Variants in ZNF883 observed in about 807,000 individuals in gnomAD.
ZNF883 encodes the protein zinc finger protein 883.
chr9:113,011,571 C>T (rs78501799), intron 1 of ZNF883, among the ~76,000 whole-genome samples: 3 of 152,252 alleles, frequency 2.0e-5, no homozygotes, highest in Admixed American at 6.5e-5. Flanking sequence ...CTTCGTCGCC[C>T]GCAGAGTGTA....
downstream of ZNF883, among the ~76,000 whole-genome samples, chr9:112,996,701 GAATGGCGTGA>G (rs1828357828): frequency 6.9e-6 from 1 of 144,306 alleles, no homozygotes; most frequent in Non-Finnish European, 1.5e-5. Context: ...TGAGGCAGGA[GAATGGCGTGA>G]ACCTGGGAGG....
chr9:112,996,507 T>TCAA (rs1828355301), downstream of ZNF883, among the ~76,000 whole-genome samples: 1 of 152,116 alleles, frequency 6.6e-6, no homozygotes, highest in Non-Finnish European at 1.5e-5. Context: ...AAGGTTTTTT[T>TCAA]ATGGCCGGGC....
downstream of ZNF883, among the ~76,000 whole-genome samples, chr9:112,993,003 G>A (rs1227040671): frequency 6.6e-6 from 1 of 152,076 alleles, no homozygotes; most frequent in East Asian, 1.9e-4. Context: ...CTTTCCATTG[G>A]ATTAGAACAT....
intron 1 of ZNF883, among the ~76,000 whole-genome samples, chr9:112,990,754 T>G (rs2104389): frequency 0.36 from 55,089 of 151,762 alleles, 12,388 homozygotes; most frequent in African/African-American, 0.63. Context: ...GGGCTTTTTT[T>G]TTGTTGTTGT....
downstream of ZNF883, among the ~76,000 whole-genome samples, chr9:112,996,421 T>C (rs906956801): frequency 3.3e-5 from 5 of 152,144 alleles, no homozygotes; most frequent in Non-Finnish European, 5.9e-5. Context: ...AAATATAACA[T>C]AGGACTTAAT....
chr9:113,007,962 G>A (rs1828495068), intron 2 of ZNF883, among the ~76,000 whole-genome samples: 1 of 152,118 alleles, frequency 6.6e-6, no homozygotes, highest in African/African-American at 2.4e-5. Context: ...CAAATTATTA[G>A]TCAAATTCAT....
chr9:113,003,433 C>T (rs1011151926), intron 2 of ZNF883, among the ~76,000 whole-genome samples: 15 of 152,166 alleles, frequency 9.9e-5, no homozygotes, highest in South Asian at 4.1e-4. Flanking sequence ...TGAGAATGGA[C>T]TAATACACCT....
chr9:112,994,741 CCTA>C (rs1292364454), downstream of ZNF883, among the ~76,000 whole-genome samples: 3 of 151,488 alleles, frequency 2.0e-5, no homozygotes, highest in African/African-American at 4.9e-5. Context: ...TTCTATTTCT[CCTA>C]CTTTTTTTTA....
downstream of ZNF883, among the ~76,000 whole-genome samples, chr9:112,996,824 A>AAAAAAAT (rs1828362004): frequency 3.7e-5 from 3 of 80,564 alleles, no homozygotes; most frequent in South Asian, 3.4e-4. Flanking sequence ...AAAAAAAAAA[A>AAAAAAAT]GTTTTTTTAT....
chr9:112,995,469 CT>C (rs1828341989), downstream of ZNF883, among the ~76,000 whole-genome samples: 3 of 151,700 alleles, frequency 2.0e-5, no homozygotes, highest in African/African-American at 7.3e-5. Context: ...CTTTCCCTCT[CT>C]CTCCCTTCCT....
upstream of ZNF883, chr9:112,999,521 C>T (rs1201372194): frequency 2.0e-5 from 3 of 152,184 alleles, no homozygotes; most frequent in African/African-American, 7.2e-5. Flanking sequence ...ACAAGACTGC[C>T]TCCACTTCAG....
intron 2 of ZNF883, among the ~76,000 whole-genome samples, chr9:113,004,415 C>T (rs533205735): frequency 1.3e-5 from 2 of 152,236 alleles, no homozygotes; most frequent in Non-Finnish European, 2.9e-5. Context: ...TTTGTGTCCT[C>T]TCAAAATTCA....
chr9:113,009,903 T>G (rs1298060849), intron 2 of ZNF883, among the ~76,000 whole-genome samples: 1 of 152,208 alleles, frequency 6.6e-6, no homozygotes, highest in Non-Finnish European at 1.5e-5. Flanking sequence ...CTAGCCCCAT[T>G]ACTCTGGTAT....
chr9:112,994,788 T>C (rs117336940), downstream of ZNF883, among the ~76,000 whole-genome samples: 3 of 152,256 alleles, frequency 2.0e-5, no homozygotes, highest in Non-Finnish European at 4.4e-5. Flanking sequence ...ATTTTAGTAG[T>C]TCTAATTGGA....
At chr9:112,991,525 C>G (rs1645836838) in intron 1 of ZNF883, among the ~76,000 whole-genome samples, 1 of 151,846 alleles carries the variant, frequency 6.6e-6, no homozygotes, top group Non-Finnish European at 1.5e-5. Context: ...ATTTTAGAGT[C>G]AGTGCATTGC....
chr9:113,003,430 G>A (rs916637024), intron 2 of ZNF883, among the ~76,000 whole-genome samples: 7 of 152,014 alleles, frequency 4.6e-5, no homozygotes, highest in African/African-American at 1.5e-4. Flanking sequence ...GCATGAGAAT[G>A]GACTAATACA....
At chr9:113,007,026 T>C (rs1828484826) in intron 2 of ZNF883, among the ~76,000 whole-genome samples, 1 of 152,148 alleles carries the variant, frequency 6.6e-6, no homozygotes, top group South Asian at 2.1e-4. Context: ...AAACCCCGTC[T>C]CTACTAAAAA....
exon 1 of ZNF883, chr9:112,997,131 A>C (rs776022336): frequency 1.2e-6 from 2 of 1,600,666 alleles, no homozygotes; most frequent in Non-Finnish European, 1.7e-6. Context: ...TACTCTGCTA[A>C]GGTTTCCTTT....
intron 2 of ZNF883, among the ~76,000 whole-genome samples, chr9:113,003,326 A>G (rs1274406952): frequency 1.3e-5 from 2 of 152,134 alleles, no homozygotes; most frequent in African/African-American, 4.8e-5. Context: ...GTCTTCTGCC[A>G]TGATTATGAG....
Sources: gnomAD v4.1 joint callset for allele counts (sites outside exome capture counted in the v4.1 genomes callset) on GRCh38, gnomAD v4.1.1 for gene constraint, MANE v1.5 for transcripts, NCBI Gene and HGNC (gene_info 2026-07-23, HGNC 2026-07-21) for gene names.